Variants in MATN2 observed in about 807,000 individuals in gnomAD.
MATN2 encodes the protein matrilin 2.
A neutral mutation model predicts 103.2 loss-of-function variants in MATN2; 69 were observed. The observed-to-expected ratio is 0.67, with a 90% CI of 0.55 to 0.82. MATN2 has a LOEUF of 0.82. Ranked by LOEUF, MATN2 falls within the 40% of genes least tolerant of loss-of-function variation. MATN2 has a pLI of 0.00. For synonymous variants in MATN2, 429 were observed against 450.2 expected, an observed-to-expected ratio of 0.95 and a Z score of 0.60; for missense variants, 1,023 against 1,211.5, an observed-to-expected ratio of 0.84 and a Z score of 2.31.
chr8:97,993,401 T>C (rs1319124449), intron 6 of MATN2, among the ~76,000 whole-genome samples: 1 of 152,146 alleles, frequency 6.6e-6, no homozygotes, highest in African/African-American at 2.4e-5. Context: ...TTAAACAATG[T>C]GTCCAAGTTC....
At chr8:98,019,833 T>A (rs1003537007) in intron 12 of MATN2, among the ~76,000 whole-genome samples, 2 of 152,242 alleles carry the variant, frequency 1.3e-5, no homozygotes, top group South Asian at 4.1e-4. Flanking sequence ...TTCAGTTGCT[T>A]TGAGGTTGAT....
intron 6 of MATN2, among the ~76,000 whole-genome samples, chr8:97,990,179 C>CAAAAAAA (rs34924183): frequency 1.5e-4 from 7 of 45,720 alleles, no homozygotes; most frequent in African/African-American, 2.5e-4. Context: ...AAGACTCTGT[C>CAAAAAAA]AAAAAAAAAA....
chr8:97,877,666 T>C (rs2129938513), intron 1 of MATN2, among the ~76,000 whole-genome samples: 1 of 152,114 alleles, frequency 6.6e-6, no homozygotes, highest in African/African-American at 2.4e-5. Flanking sequence ...ATCTCAGTTG[T>C]CATAAATGCA....
In MATN2 at chr8:97,992,745, CA is replaced by C. The variant is rs58985201; in HGVS notation, c.1082-1710del. Among the ~76,000 whole-genome samples the C allele has an allele frequency of 0.014, 701 of 49,550 alleles. 15 individuals are homozygous for C. In the East Asian group the frequency reaches 0.2, roughly 14 times the overall value. 32.5% of individuals were successfully genotyped at this position (49,550 alleles called of 152,430 possible). ...TGGGTGTTAGAGTGAGACTCCATCT[CA>C]AAAAAAAAAAAAAAAAAAAAAAAAT... On this transcript the variant is annotated intron_variant, in intron 6 of 18. Coordinates refer to ENST00000254898, the MANE Select transcript of MATN2 (RefSeq NM_002380.5).
intron 1 of MATN2, among the ~76,000 whole-genome samples, chr8:97,879,257 A>C (rs761957940): frequency 1.3e-5 from 2 of 152,170 alleles, no homozygotes. Flanking sequence ...AGAATGTAGA[A>C]ATTTCAGGGT....
chr8:97,911,212 C>A (rs752478230), intron 2 of MATN2, among the ~76,000 whole-genome samples: 1 of 151,714 alleles, frequency 6.6e-6, no homozygotes, highest in Non-Finnish European at 1.5e-5. Flanking sequence ...AGGCTGCTCT[C>A]GAACTCCTGA....
intron 15 of MATN2, 101 bp downstream of exon 15, chr8:98,030,715 T>A (rs1227356997): frequency 8.7e-7 from 1 of 1,142,920 alleles, no homozygotes; most frequent in Non-Finnish European, 1.2e-6. Context: ...CAGGCTGGAG[T>A]GCAGTGGCAC....
intron 2 of MATN2, among the ~76,000 whole-genome samples, chr8:97,904,500 A>G (rs1313617997): frequency 6.6e-6 from 1 of 152,218 alleles, no homozygotes; most frequent in African/African-American, 2.4e-5. Context: ...ATTCTAAAGA[A>G]ACATTGAGAC....
chr8:97,876,172 T>G (rs1586365437), intron 1 of MATN2, among the ~76,000 whole-genome samples: 1 of 148,998 alleles, frequency 6.7e-6, no homozygotes, highest in Non-Finnish European at 1.5e-5. Context: ...CCACCACGCT[T>G]GGCTAATTAT....
intron 2 of MATN2, among the ~76,000 whole-genome samples, chr8:97,914,208 G>T (rs1809544579): frequency 6.6e-6 from 1 of 151,984 alleles, no homozygotes; most frequent in Admixed American, 6.6e-5. Context: ...CAGGGTTGGG[G>T]GTCAGGCCTG....
rs566827256 is a variant in MATN2, at chr8:97,916,532, C to G, written c.143-14421C>G. ...TTAGTTATTTTTCCTGATCCTCTCC[C>G]TCCTCCCACCCTCTGATGGGCCCCA... On this transcript the variant is annotated intron_variant, in intron 2 of 18. Coordinates refer to ENST00000254898, the MANE Select transcript of MATN2 (RefSeq NM_002380.5). 5.7e-4 allele frequency among the ~76,000 whole-genome samples: 87 copies of G among 152,146 alleles called. 2 individuals carry two copies. Among genetic ancestry groups the G allele is most frequent in the Non-Finnish European group, 6.9e-4 (47 of 68,040 alleles).
At chr8:97,963,752 G>A (rs1020151940) in intron 5 of MATN2, among the ~76,000 whole-genome samples, 12 of 152,118 alleles carry the variant, frequency 7.9e-5, no homozygotes, top group African/African-American at 2.2e-4. Flanking sequence ...GGTCTCCTCC[G>A]TCAGATGATC....
chr8:97,945,711 A>ATATATATATAT (rs1385265414), intron 4 of MATN2, among the ~76,000 whole-genome samples: 14 of 67,328 alleles, frequency 2.1e-4, no homozygotes, highest in Non-Finnish European at 2.5e-4. Context: ...TATAGAAAAA[A>ATATATATATAT]AAAAAAATAT....
intron 5 of MATN2, among the ~76,000 whole-genome samples, chr8:97,976,550 T>A (rs927384915): frequency 1.3e-5 from 2 of 152,250 alleles, no homozygotes; most frequent in Non-Finnish European, 2.9e-5. Context: ...TGGTTTTGCT[T>A]TTTAAAATTT....
intron 6 of MATN2, among the ~76,000 whole-genome samples, chr8:97,992,559 A>G (rs1812426791): frequency 6.6e-6 from 1 of 151,802 alleles, no homozygotes; most frequent in Admixed American, 6.6e-5. Flanking sequence ...CAGCCTGGCC[A>G]AGATGGTGAA....
At chr8:98,033,203 A>C in intron 17 of MATN2, 27 bp downstream of exon 17, 1 of 1,569,360 alleles carries the variant, frequency 6.4e-7, no homozygotes, top group Non-Finnish European at 8.6e-7. Context: ...TATTACTATA[A>C]GATAACTTGA....
intron 2 of MATN2, among the ~76,000 whole-genome samples, chr8:97,899,865 T>C (rs1332775383): frequency 1.3e-5 from 2 of 152,188 alleles, no homozygotes; most frequent in East Asian, 3.8e-4. Flanking sequence ...TCTTTTTCCT[T>C]TCTGATTCAC....
At chr8:98,023,065 G>A (rs1813661208) in intron 13 of MATN2, among the ~76,000 whole-genome samples, 1 of 152,102 alleles carries the variant, frequency 6.6e-6, no homozygotes, top group Non-Finnish European at 1.5e-5. Flanking sequence ...TCTAGCCTGG[G>A]CAACAGAGGA....
intron 16 of MATN2, 91 bp downstream of exon 16, chr8:98,032,408 T>C: frequency 1.0e-6 from 1 of 961,116 alleles, no homozygotes. Flanking sequence ...TGAATGTAAG[T>C]ATGTTCAAAT....
Sources: allele counts gnomAD v4.1 joint callset (sites outside exome capture counted in the v4.1 genomes callset), GRCh38; gene constraint gnomAD v4.1.1; transcripts MANE v1.5; gene names NCBI Gene and HGNC (gene_info 2026-07-23, HGNC 2026-07-21).